Variants in ATP1A4 observed in about 807,000 individuals in gnomAD.
ATP1A4 encodes sodium/potassium-transporting ATPase subunit alpha-4.
ATP1A4 carries 90 observed loss-of-function variants against 114.3 expected under a neutral mutation model. The observed-to-expected ratio is 0.79, with a 90% confidence interval of 0.66 to 0.94. ATP1A4 has a LOEUF of 0.94. Ranked by LOEUF, ATP1A4 falls within the 40% of genes least tolerant of loss-of-function variation. ATP1A4 has a pLI of 0.00. For missense variants in ATP1A4, 1,222 were observed against 1,313.6 expected (o/e 0.93, Z 1.08); for synonymous variants, 511 against 494.1 (o/e 1.03, Z -0.45).
intron 7 of ATP1A4, among the ~76,000 whole-genome samples, chr1:160,165,141 C>A (rs1406582012): frequency 6.6e-6 from 1 of 152,140 alleles, no homozygotes; most frequent in Non-Finnish European, 1.5e-5. Flanking sequence ...GGCCACCTGT[C>A]TTGATGATCA....
rs1653246020 is a variant in ATP1A4, at chr1:160,171,307, T to C, written c.1548T>C (p.Gly516=). 6.2e-7 allele frequency: 1 copy of C among 1,614,052 alleles called. No individual in the cohort carries two copies. The highest frequency in any genetic ancestry group is 8.5e-7 in the Non-Finnish European group (1 of 1,179,988). ...AGACCCACGTACTGATGATGAAGGG[T>C]GCTCCGGAGAGGATCTTGGAGTTTT... ...SSQTHVLMMK[G]APERILEFCS... Residue 516 remains glycine, a synonymous_variant, in exon 11 of 22, where the codon GGT becomes GGC. Transcript: ENST00000368081.
At chr1:160,162,131 C>A (rs977645087) in intron 6 of ATP1A4, among the ~76,000 whole-genome samples, 1 of 152,140 alleles carries the variant, frequency 6.6e-6, no homozygotes, top group Non-Finnish European at 1.5e-5. Flanking sequence ...AAGTAACTTG[C>A]CCCAAGGAAA....
intron 20 of ATP1A4, 145 bp downstream of exon 20, chr1:160,182,176 C>T: frequency 2.9e-6 from 2 of 681,894 alleles, no homozygotes; most frequent in Non-Finnish European, 5.3e-6. Context: ...CAAGGAGAGT[C>T]ATCTGTGCTC....
At chr1:160,156,992 T>C (rs564351608) in intron 4 of ATP1A4, among the ~76,000 whole-genome samples, 1 of 152,184 alleles carries the variant, frequency 6.6e-6, no homozygotes, top group Admixed American at 6.5e-5. Context: ...TAGTGCCAGC[T>C]ACTCAGGAGG....
chr1:160,185,860 A>C (rs1359025090), intron 20 of ATP1A4, among the ~76,000 whole-genome samples: 1 of 150,906 alleles, frequency 6.6e-6, no homozygotes, highest in East Asian at 2.0e-4. Flanking sequence ...CAGAGTTTGC[A>C]GTGAGCCGAG....
intron 4 of ATP1A4, among the ~76,000 whole-genome samples, chr1:160,157,894 C>T (rs1320355100): frequency 1.3e-5 from 2 of 152,100 alleles, no homozygotes; most frequent in Admixed American, 6.5e-5. Context: ...GGAAAGAATA[C>T]GACGGTAAAC....
At position 160,171,352 on chromosome 1, in the gene ATP1A4, T is replaced by C; in HGVS notation, c.1593T>C (p.Asn531=). The C allele has an allele frequency of 6.2e-7, 1 of 1,614,142 alleles. No individual in the cohort carries two copies. The highest frequency in any genetic ancestry group is 8.5e-7 in the Non-Finnish European group (1 of 1,180,018). Residue 531 remains asparagine (N), a synonymous_variant, in exon 11 of 22, where the codon AAT becomes AAC. Coordinates refer to ENST00000368081, the MANE Select transcript of ATP1A4 (RefSeq NM_144699.4). ...ILEFCSTFLL[N]GQEYSMNDEM... Reference sequence around the variant, plus strand: ...AGTTTTGTTCTACCTTTCTTCTGAATGGGCAGGAGTACTCAATGAACGATG... The same window carrying C: ...AGTTTTGTTCTACCTTTCTTCTGAACGGGCAGGAGTACTCAATGAACGATG...
At chr1:160,167,513 C>T in intron 10 of ATP1A4, 101 bp downstream of exon 10, 1 of 1,469,244 alleles carries the variant, frequency 6.8e-7, no homozygotes, top group Non-Finnish European at 9.3e-7. Flanking sequence ...CTCGGAGAAG[C>T]AGAGGAGCTC....
At chr1:160,165,529 G>A (rs1479890728) in intron 7 of ATP1A4, among the ~76,000 whole-genome samples, 1 of 152,128 alleles carries the variant, frequency 6.6e-6, no homozygotes, top group East Asian at 1.9e-4. Flanking sequence ...GGAGGCCAAG[G>A]TGGGCGGATC....
intron 18 of ATP1A4, among the ~76,000 whole-genome samples, chr1:160,180,085 A>T (rs1374809691): frequency 6.6e-6 from 1 of 152,210 alleles, no homozygotes; most frequent in Non-Finnish European, 1.5e-5. Context: ...AACATGGACA[A>T]TTCAATCTCC....
Position 160,186,383 on chromosome 1 carries a change from G to T in ATP1A4, c.3061+16G>T. The T allele has an allele frequency of 6.3e-7, 1 of 1,594,310 alleles. No individual in the cohort carries two copies. On this transcript the variant is annotated intron_variant, in intron 21 of 21. Coordinates refer to ENST00000368081, the MANE Select transcript of ATP1A4 (RefSeq NM_144699.4). Reference sequence around the variant, plus strand: ...CACCCGGATGGTGAGGCTCCCCTGGGCCCCGCTCTGACTGAGTGGTCACCA... The same window carrying T: ...CACCCGGATGGTGAGGCTCCCCTGGTCCCCGCTCTGACTGAGTGGTCACCA...
At chr1:160,175,585 C>T (rs1653430349) in intron 15 of ATP1A4, among the ~76,000 whole-genome samples, 1 of 151,552 alleles carries the variant, frequency 6.6e-6, no homozygotes, top group African/African-American at 2.4e-5. Context: ...AGATAAGTGC[C>T]ATGGGACAGA....
chr1:160,152,402 T>C (rs969603923), intron 1 of ATP1A4, among the ~76,000 whole-genome samples: 1 of 151,620 alleles, frequency 6.6e-6, no homozygotes, highest in Non-Finnish European at 1.5e-5. Context: ...TGCAGACACC[T>C]GTGGAAGTGG....
In ATP1A4 at chr1:160,171,687, T is replaced by C. The variant is rs775013643; in HGVS notation, c.1784T>C (p.Ile595Thr). 1.7e-5 allele frequency: 27 copies of C among 1,614,052 alleles called. No homozygotes were observed. Among genetic ancestry groups the C allele is most frequent in the Non-Finnish European group, 2.3e-5 (27 of 1,180,044 alleles). Residue 595 changes from isoleucine to threonine, a missense_variant, in exon 12 of 22, where the codon ATA becomes ACA. Transcript: ENST00000368081. ...PMDNLCFVGL[I>T]SMIDPPRAAV... ...GACAACCTTTGTTTTGTGGGCCTCA[T>C]ATCCATGATTGACCCTCCCCGAGCT...
At chr1:160,178,627 A>G (rs1447923585) in intron 18 of ATP1A4, among the ~76,000 whole-genome samples, 1 of 152,108 alleles carries the variant, frequency 6.6e-6, no homozygotes, top group Non-Finnish European at 1.5e-5. Context: ...GTGAGCCAAG[A>G]TTGCACCACT....
chr1:160,184,255 TA>T (rs1253613905), intron 20 of ATP1A4, among the ~76,000 whole-genome samples: 1 of 152,122 alleles, frequency 6.6e-6, no homozygotes, highest in Non-Finnish European at 1.5e-5. Context: ...CTGGCCTTGA[TA>T]ATGCTAATAT....
chr1:160,162,122 A>C (rs2101631376), intron 6 of ATP1A4, among the ~76,000 whole-genome samples: 1 of 152,354 alleles, frequency 6.6e-6, no homozygotes, highest in South Asian at 2.1e-4. Context: ...TCAGCATTTA[A>C]GTAACTTGCC....
chr1:160,185,738 G>A (rs1386989006), intron 20 of ATP1A4, among the ~76,000 whole-genome samples: 5 of 151,662 alleles, frequency 3.3e-5, no homozygotes, highest in Non-Finnish European at 7.4e-5. Context: ...GACCAACACA[G>A]TGAAACCCCG....
chr1:160,167,420 A>C lies in ATP1A4; in HGVS notation c.1491+8A>C, dbSNP rs1558021772. On this transcript the variant is annotated splice_region_variant and intron_variant, in intron 10 of 21. Coordinates refer to ENST00000368081, the MANE Select transcript of ATP1A4 (RefSeq NM_144699.4). ...TCTACCAACAAGTACCAGGTACAGA[A>C]CCCACAAAGGTAGGAGAATGGTGGT... The C allele has an allele frequency of 1.2e-6, 2 of 1,610,862 alleles. No homozygotes were observed. The highest frequency in any genetic ancestry group is 3.4e-5 in the Admixed American group (2 of 58,588).
Sources: allele counts gnomAD v4.1 joint callset (sites outside exome capture counted in the v4.1 genomes callset), GRCh38; gene constraint gnomAD v4.1.1; transcripts MANE v1.5; gene names NCBI Gene and HGNC (gene_info 2026-07-23, HGNC 2026-07-21).